ATE1: variants seen among roughly 807,000 people sequenced by gnomAD.
ATE1 encodes arginyl-tRNA--protein transferase 1.
In ATE1, 36 loss-of-function variants were observed where a neutral mutation model predicts 70.5. That is an observed-to-expected ratio of 0.51 (90% CI 0.39 to 0.67). ATE1 has a LOEUF of 0.67. Among genes scored for constraint, ATE1 ranks in the 30% least tolerant of loss-of-function variants. The pLI, the probability that ATE1 is intolerant of heterozygous loss-of-function variation, is 0.00. For missense variants in ATE1, 593 were observed against 629.5 expected (o/e 0.94, Z 0.62); for synonymous variants, 232 against 219.3 (o/e 1.06, Z -0.51).
intron 1 of ATE1, among the ~76,000 whole-genome samples, chr10:121,925,485 G>A (rs1330269666): frequency 6.6e-6 from 1 of 151,274 alleles, no homozygotes; most frequent in Non-Finnish European, 1.5e-5. Context: ...GGAACAGGAA[G>A]ATGATTACAG....
intron 10 of ATE1, among the ~76,000 whole-genome samples, chr10:121,819,679 C>CAAAAA (rs57035123): frequency 0.056 from 2,945 of 52,588 alleles, 808 homozygotes; most frequent in African/African-American, 0.17. Flanking sequence ...AAGACTGTCT[C>CAAAAA]AAAAAAAAAA....
chr10:121,893,012 C>T (rs1181254952), intron 7 of ATE1, among the ~76,000 whole-genome samples: 2 of 152,232 alleles, frequency 1.3e-5, no homozygotes, highest in African/African-American at 4.8e-5. Context: ...GGCACGGTGG[C>T]TTACGCTTGT....
intron 11 of ATE1, among the ~76,000 whole-genome samples, chr10:121,778,929 C>T (rs758033718): frequency 6.6e-6 from 1 of 152,054 alleles, no homozygotes; most frequent in Non-Finnish European, 1.5e-5. Context: ...TGCTAAAAAA[C>T]GTGGATGTTG....
chr10:121,815,612 C>T (rs1225726013), intron 10 of ATE1, among the ~76,000 whole-genome samples: 2 of 152,134 alleles, frequency 1.3e-5, no homozygotes, highest in East Asian at 3.9e-4. Flanking sequence ...TTCGTGGCTG[C>T]ACAGGGTCAT....
At position 121,812,329 on chromosome 10, in the gene ATE1, GA is replaced by G. The variant is rs1487265460; in HGVS notation, c.1258-22041del. Among the ~76,000 whole-genome samples, 14 of 151,824 alleles carry G rather than the reference GA, an allele frequency of 9.2e-5. 1 individual carries two copies. Among genetic ancestry groups the G allele is most frequent in the Admixed American group, 9.2e-4 (14 of 15,238 alleles). On this transcript the variant is annotated intron_variant, in intron 10 of 11. Transcript: ENST00000224652. ...ACAGAGGCACACAAATACCACACAG[GA>G]AAAATATCATCTTTCCTGTTTACCC...
chr10:121,927,587 C>A (rs963892862), intron 1 of ATE1: 3 of 975,292 alleles, frequency 3.1e-6, no homozygotes, highest in Non-Finnish European at 3.7e-6. Context: ...CTACCCCAGA[C>A]GGGCGTCCGT....
At chr10:121,786,202 G>GTTTTTTTTTTTT in intron 11 of ATE1, among the ~76,000 whole-genome samples, 1 of 84,518 alleles carries the variant, frequency 1.2e-5, no homozygotes, top group Non-Finnish European at 2.1e-5. Context: ...GCTCAAGAAA[G>GTTTTTTTTTTTT]TTTTTTTTTT....
intron 8 of ATE1, among the ~76,000 whole-genome samples, chr10:121,843,191 T>G (rs1214815762): frequency 6.6e-6 from 1 of 152,134 alleles, no homozygotes; most frequent in Non-Finnish European, 1.5e-5. Flanking sequence ...ATGACTGGAA[T>G]TTGGAATACC....
chr10:121,800,330 A>T (rs2133367786), intron 10 of ATE1, among the ~76,000 whole-genome samples: 1 of 152,318 alleles, frequency 6.6e-6, no homozygotes, highest in East Asian at 1.9e-4. Flanking sequence ...TTAATTGGAA[A>T]CATCTGGGGA....
rs1272833199 is a variant in ATE1 at position 121,785,189 on chromosome 10, G to A, written c.1378+4980C>T. 3.9e-5 allele frequency among the ~76,000 whole-genome samples: 6 copies of A among 152,146 alleles called. 1 individual carries two copies. The South Asian group carries it at 1.0e-3, about 26-fold the overall frequency. On this transcript the variant is annotated intron_variant, in intron 11 of 11. Transcript: ENST00000224652. ...AGTGGGTAGTTTGACCTCAAATGCA[G>A]ATATGAAAACGATTTTACCTTCAGA...
chr10:121,899,915 T>C lies in ATE1; in HGVS notation c.893A>G (p.Tyr298Cys). Residue 298 changes from tyrosine (Y) to cysteine (C), a missense_variant, in exon 7 of 12, where the codon TAC becomes TGC. Tyr to Cys is a radical substitution (Grantham distance 194, BLOSUM62 -2). Transcript: ENST00000224652. ...TGGGTTCTTGTGAATAACCATCTGGTAACGTTTATAGACCTGGTAAGACTC... is the reference window on the plus strand; with the variant it reads ...TGGGTTCTTGTGAATAACCATCTGGCAACGTTTATAGACCTGGTAAGACTC... Reference protein sequence around the residue: ...LLESYQVYKRYQMVIHKNPPD... With the variant: ...LLESYQVYKRCQMVIHKNPPD... The C allele has an allele frequency of 6.2e-7, 1 of 1,613,872 alleles. No homozygotes were observed. Among genetic ancestry groups the C allele is most frequent in the African/African-American group, 1.3e-5 (1 of 75,064 alleles).
intron 6 of ATE1, among the ~76,000 whole-genome samples, chr10:121,901,118 T>G (rs188907476): frequency 6.6e-6 from 1 of 152,080 alleles, no homozygotes; most frequent in East Asian, 1.9e-4. Flanking sequence ...ATATCAGAAA[T>G]TAGCCGGGCG....
At chr10:121,871,323 G>A (rs1308009651) in intron 7 of ATE1, among the ~76,000 whole-genome samples, 1 of 152,104 alleles carries the variant, frequency 6.6e-6, no homozygotes, top group African/African-American at 2.4e-5. Flanking sequence ...GCTGTGTGTG[G>A]TAGTGGGCGC....
chr10:121,837,993 C>T (rs1351897283), intron 9 of ATE1, among the ~76,000 whole-genome samples: 3 of 152,108 alleles, frequency 2.0e-5, no homozygotes, highest in Non-Finnish European at 2.9e-5. Context: ...CTTCTCATCC[C>T]AATGTCCAAT....
intron 8 of ATE1, among the ~76,000 whole-genome samples, chr10:121,861,008 A>G (rs779385698): frequency 1.3e-5 from 2 of 152,226 alleles, no homozygotes; most frequent in Non-Finnish European, 2.9e-5. Flanking sequence ...GCCAACATCA[A>G]ACAAGACTGA....
At chr10:121,786,484 C>T (rs767228429) in intron 11 of ATE1, among the ~76,000 whole-genome samples, 4 of 151,904 alleles carry the variant, frequency 2.6e-5, no homozygotes, top group Non-Finnish European at 5.9e-5. Context: ...GCCTACGCAA[C>T]GTAGCAAAAC....
chr10:121,861,708 C>G (rs1302013985), intron 8 of ATE1, among the ~76,000 whole-genome samples: 1 of 148,546 alleles, frequency 6.7e-6, no homozygotes, highest in East Asian at 2.0e-4. Flanking sequence ...ACGTAACTAA[C>G]CTGCACATTG....
intron 11 of ATE1, among the ~76,000 whole-genome samples, chr10:121,756,516 A>G (rs1944809178): frequency 6.6e-6 from 1 of 152,206 alleles, no homozygotes. Context: ...GAGGTTCTCC[A>G]TGAGGGCCCC....
chr10:121,818,073 G>A (rs148566970), intron 10 of ATE1, among the ~76,000 whole-genome samples: 1 of 152,010 alleles, frequency 6.6e-6, no homozygotes, highest in African/African-American at 2.4e-5. Flanking sequence ...AGACCAGCCT[G>A]GGCAACAAAG....
Sources: gnomAD v4.1 joint callset for allele counts (sites outside exome capture counted in the v4.1 genomes callset) on GRCh38, gnomAD v4.1.1 for gene constraint, MANE v1.5 for transcripts, NCBI Gene and HGNC (gene_info 2026-07-23, HGNC 2026-07-21) for gene names.